The following NDRG3 variants were observed in gnomAD, a reference collection of about 807,000 sequenced individuals.
The protein encoded by NDRG3 is protein NDRG3.
In NDRG3, 23 loss-of-function variants were observed where a neutral mutation model predicts 57.2. The ratio of observed to expected loss-of-function variants is 0.40; its 90% CI spans 0.29 to 0.57. NDRG3 has a LOEUF of 0.57. Among genes scored for constraint, NDRG3 ranks in the 20% least tolerant of loss-of-function variants. NDRG3 has a pLI of 0.42. For missense variants in NDRG3, 384 were observed against 457.3 expected, an observed-to-expected ratio of 0.84 and a Z score of 1.46; for synonymous variants, 132 against 162.6, an observed-to-expected ratio of 0.81 and a Z score of 1.43.
At chr20:36,710,985 A>C (rs1316475477) in intron 2 of NDRG3, among the ~76,000 whole-genome samples, 1 of 150,634 alleles carries the variant, frequency 6.6e-6, no homozygotes, top group African/African-American at 2.4e-5. Flanking sequence ...ATCTCAAAAA[A>C]ATAAATAAAT....
intron 8 of NDRG3, among the ~76,000 whole-genome samples, chr20:36,676,864 C>G (rs971262747): frequency 6.6e-6 from 1 of 152,248 alleles, no homozygotes; most frequent in Non-Finnish European, 1.5e-5. Flanking sequence ...ATGGAGCTGG[C>G]GGAAGCCCCG....
intron 8 of NDRG3, among the ~76,000 whole-genome samples, chr20:36,678,985 CTG>C (rs1045116343): frequency 6.6e-6 from 1 of 152,220 alleles, no homozygotes; most frequent in Non-Finnish European, 1.5e-5. Context: ...GAGTCTCACT[CTG>C]TTGCCCAGGC....
intron 2 of NDRG3, among the ~76,000 whole-genome samples, chr20:36,717,552 G>C (rs185875796): frequency 6.6e-6 from 1 of 152,210 alleles, no homozygotes; most frequent in Non-Finnish European, 1.5e-5. Context: ...TTTGGTTTCT[G>C]TCTGGCTTTG....
intron 5 of NDRG3, among the ~76,000 whole-genome samples, chr20:36,686,872 GTTTT>G (rs1409749034): frequency 2.0e-5 from 3 of 152,126 alleles, no homozygotes; most frequent in Middle Eastern, 3.4e-3. Flanking sequence ...AAAATGACAG[GTTTT>G]TTTGTTTGTT....
chr20:36,725,616 A>G lies in NDRG3; in HGVS notation c.-48-3833T>C, dbSNP rs574121544. ...GACTCCGTCTAAAAAAAAAAAAAAA[A>G]AAGAAAAAAAAGAAAATACAGAAAT... On this transcript the variant is annotated intron_variant, in intron 1 of 15. Coordinates refer to ENST00000349004, the MANE Select transcript of NDRG3 (RefSeq NM_032013.4). Among the ~76,000 whole-genome samples, 382 of 151,732 alleles carry G rather than the reference A, an allele frequency of 2.5e-3. 2 individuals carry two copies. The highest frequency in any genetic ancestry group is 8.7e-3 in the African/African-American group (361 of 41,514).
chr20:36,731,583 G>C (rs533455093), intron 1 of NDRG3, among the ~76,000 whole-genome samples: 2 of 151,350 alleles, frequency 1.3e-5, no homozygotes, highest in Non-Finnish European at 2.9e-5. Context: ...CGAGGCGAGT[G>C]GATCACAAGG....
chr20:36,693,790 A>T (rs1982543030), intron 3 of NDRG3, among the ~76,000 whole-genome samples: 1 of 151,768 alleles, frequency 6.6e-6, no homozygotes. Flanking sequence ...ATCTAGTTGC[A>T]GGAAAACAAG....
chr20:36,729,198 C>A (rs1460663015), intron 1 of NDRG3, among the ~76,000 whole-genome samples: 2 of 152,128 alleles, frequency 1.3e-5, no homozygotes, highest in African/African-American at 2.4e-5. Flanking sequence ...ACTCAGACAC[C>A]TTAGAAATGA....
chr20:36,718,216 G>T (rs1235170218), intron 2 of NDRG3, among the ~76,000 whole-genome samples: 1 of 152,206 alleles, frequency 6.6e-6, no homozygotes, highest in East Asian at 1.9e-4. Flanking sequence ...ACATACTGGG[G>T]AGGGGGAGAG....
intron 2 of NDRG3, among the ~76,000 whole-genome samples, chr20:36,719,203 T>C (rs950255208): frequency 2.0e-5 from 3 of 151,008 alleles, no homozygotes; most frequent in African/African-American, 7.3e-5. Flanking sequence ...CCGAGGCGGG[T>C]GGATCAAGAG....
chr20:36,723,178 G>C (rs1984699999), intron 1 of NDRG3, among the ~76,000 whole-genome samples: 1 of 152,176 alleles, frequency 6.6e-6, no homozygotes, highest in Non-Finnish European at 1.5e-5. Context: ...GAAACCATGA[G>C]AGATAATAAT....
At chr20:36,664,840 C>T (rs1979485370) in intron 12 of NDRG3, among the ~76,000 whole-genome samples, 1 of 152,036 alleles carries the variant, frequency 6.6e-6, no homozygotes, top group South Asian at 2.1e-4. Flanking sequence ...CAGGCTGTCA[C>T]CATGCCAGCT....
intron 15 of NDRG3, among the ~76,000 whole-genome samples, chr20:36,656,051 T>G (rs1978626779): frequency 6.6e-6 from 1 of 150,462 alleles, no homozygotes. Flanking sequence ...GGAGAATCGC[T>G]TGAACCCAGG....
chr20:36,664,440 G>A (rs1426369281), intron 12 of NDRG3, among the ~76,000 whole-genome samples: 3 of 152,110 alleles, frequency 2.0e-5, no homozygotes, highest in African/African-American at 7.2e-5. Flanking sequence ...ATTTATGGTG[G>A]TAATCTATTC....
intron 3 of NDRG3, among the ~76,000 whole-genome samples, chr20:36,689,806 C>T (rs572151578): frequency 1.1e-4 from 16 of 151,432 alleles, no homozygotes; most frequent in African/African-American, 2.2e-4. Context: ...CTGCAAGCTC[C>T]GCCTCCTGGG....
At chr20:36,718,122 T>A (rs1781423569) in intron 2 of NDRG3, among the ~76,000 whole-genome samples, 1 of 152,214 alleles carries the variant, frequency 6.6e-6, no homozygotes, top group African/African-American at 2.4e-5. Flanking sequence ...TCAAATGAAG[T>A]AATGGATGAG....
At position 36,653,556 on chromosome 20, in the gene NDRG3, G is replaced by T. The variant is rs723887; in HGVS notation, c.1092C>A (p.Val364=). Residue 364 remains valine (V), a synonymous_variant, in exon 16 of 16, where the codon GTC becomes GTA. Coordinates refer to ENST00000349004, the MANE Select transcript of NDRG3 (RefSeq NM_032013.4). The surrounding 1 kb of genome is among the most constrained non-coding windows in gnomAD (Gnocchi z 4.2). ...CCTCCATGGTCTGGTGTCTGTCCAG[G>T]ACATCAGGGGACTCACAGGATTCTT... ...GTQESCESPD[V]LDRHQTMEVS... 24,189 of 1,614,116 alleles carry T rather than the reference G, an allele frequency of 0.015. 221 individuals carry two copies. Among genetic ancestry groups the T allele is most frequent in the Non-Finnish European group, 0.018 (21,668 of 1,179,968 alleles).
At chr20:36,729,604 TG>T in intron 1 of NDRG3, among the ~76,000 whole-genome samples, 1 of 152,086 alleles carries the variant, frequency 6.6e-6, no homozygotes, top group Non-Finnish European at 1.5e-5. Context: ...CTCGGCTACC[TG>T]CAACCTCTGT....
intron 1 of NDRG3, among the ~76,000 whole-genome samples, chr20:36,730,058 C>A (rs56237938): frequency 6.6e-6 from 1 of 151,412 alleles, no homozygotes; most frequent in Non-Finnish European, 1.5e-5. Context: ...ACCAGCCTGG[C>A]CAACGTGGTG....
Sources: gnomAD v4.1 joint callset for allele counts (sites outside exome capture counted in the v4.1 genomes callset) on GRCh38, gnomAD v4.1.1 for gene constraint, Gnocchi (gnomAD v3.1) non-coding constraint, MANE v1.5 for transcripts, NCBI Gene and HGNC (gene_info 2026-07-23, HGNC 2026-07-21) for gene names.